IKZF3: variants seen among roughly 807,000 people sequenced by gnomAD.
IKZF3 encodes IKAROS family zinc finger 3.
Under a neutral mutation model 49.0 loss-of-function variants are expected in IKZF3, and 10 were observed. The ratio of observed to expected loss-of-function variants is 0.20; its 90% CI spans 0.13 to 0.35. The LOEUF is 0.35. IKZF3 is among the 10% of genes least tolerant of loss of function. The probability of loss-of-function intolerance (pLI) is 1.00; values close to 1 mark genes in which losing one functional copy is unlikely to be tolerated. For synonymous variants in IKZF3, 209 were observed against 228.2 expected (o/e 0.92, Z 0.76); for missense variants, 498 against 664.8 (o/e 0.75, Z 2.76).
At chr17:39,772,564 A>G (rs902664335) in intron 7 of IKZF3, among the ~76,000 whole-genome samples, 4 of 152,158 alleles carry the variant, frequency 2.6e-5, no homozygotes, top group East Asian at 1.9e-4. Flanking sequence ...CAGGAGGTGG[A>G]AAACAGAGGG....
At chr17:39,839,672 T>G (rs1310144160) in intron 1 of IKZF3, 1 of 321,852 alleles carries the variant, frequency 3.1e-6, no homozygotes, top group Non-Finnish European at 5.9e-6. Context: ...CATCCCAGGC[T>G]CAAGCAATCC....
At chr17:39,810,568 T>C (rs1246453143) in intron 3 of IKZF3, among the ~76,000 whole-genome samples, 1 of 151,794 alleles carries the variant, frequency 6.6e-6, no homozygotes, top group Non-Finnish European at 1.5e-5. Flanking sequence ...TGTAGTACTC[T>C]TGTATGCTTG....
chr17:39,786,257 AAAAC>A (rs2060872562), intron 6 of IKZF3, among the ~76,000 whole-genome samples: 1 of 152,266 alleles, frequency 6.6e-6, no homozygotes, highest in South Asian at 2.1e-4. Context: ...ACTAATCACA[AAAAC>A]AACTAAAGTT....
chr17:39,778,052 T>C lies in IKZF3; in HGVS notation c.710-285A>G, dbSNP rs1403281426. 3.8e-6 allele frequency: 4 copies of C among 1,061,750 alleles called. No homozygotes were observed. In the African/African-American group the frequency reaches 5.0e-5, roughly 13 times the overall value. The allele number at this position is 1,061,750 out of a possible 1,614,324, so 65.8% of individuals were successfully genotyped here. ...AAGTATTAAATAAACAGCCTGGACG[T>C]GGTTGGTTGCAAAAAGATAGATAGA... is the stretch of plus-strand genomic sequence containing the variant. On this transcript the variant is annotated intron_variant, in intron 6 of 7. Transcript: ENST00000346872.
chr17:39,835,108 T>A, intron 1 of IKZF3: 1 of 449,538 alleles, frequency 2.2e-6, no homozygotes, highest in South Asian at 1.6e-5. Context: ...AAGCCATAGC[T>A]GAGGCCAGGG....
chr17:39,796,215 G>A (rs1241982466), intron 3 of IKZF3, among the ~76,000 whole-genome samples: 2 of 152,126 alleles, frequency 1.3e-5, no homozygotes, highest in Non-Finnish European at 2.9e-5. Context: ...TTGAAGCAGA[G>A]AAAAGGGGTG....
rs552673903 is a variant in IKZF3 at position 39,764,862 on chromosome 17, T to A, written c.*928A>T. The A allele has an allele frequency of 3.4e-4, 52 of 152,426 alleles. No homozygotes were observed. The highest frequency in any genetic ancestry group is 5.0e-4 in the Non-Finnish European group (34 of 68,036). The allele number at this position is 152,426 out of a possible 1,614,324, so 9.4% of individuals were successfully genotyped here. A position where few individuals can be genotyped will look rare whatever the true frequency, so the allele number is the denominator to read the frequency against. On this transcript the variant is annotated 3_prime_UTR_variant, in exon 8 of 8. Coordinates refer to ENST00000346872, the MANE Select transcript of IKZF3 (RefSeq NM_012481.5). ...TTTTGGACTTTTTTTGTGGAAAATATCATTGGCAAATTTGCTTTGGGTCTG... is the reference window on the plus strand; with the variant it reads ...TTTTGGACTTTTTTTGTGGAAAATAACATTGGCAAATTTGCTTTGGGTCTG...
At chr17:39,776,700 T>C (rs1204838702) in intron 7 of IKZF3, among the ~76,000 whole-genome samples, 1 of 152,196 alleles carries the variant, frequency 6.6e-6, no homozygotes, top group Non-Finnish European at 1.5e-5. Flanking sequence ...TATACCAGAA[T>C]CAAATTTAGT....
chr17:39,797,210 A>G (rs368464743), intron 3 of IKZF3, among the ~76,000 whole-genome samples: 14 of 151,432 alleles, frequency 9.2e-5, no homozygotes, highest in South Asian at 4.2e-4. Flanking sequence ...TACTGCCTCT[A>G]CAGCCTCAAA....
chr17:39,857,240 T>C (rs1598232324), intron 1 of IKZF3, among the ~76,000 whole-genome samples: 1 of 152,232 alleles, frequency 6.6e-6, no homozygotes. Flanking sequence ...TGTAATTCCA[T>C]ATCCATAAAA....
intron 1 of IKZF3, among the ~76,000 whole-genome samples, chr17:39,834,661 T>A (rs908825946): frequency 4.6e-5 from 7 of 152,220 alleles, no homozygotes; most frequent in African/African-American, 1.7e-4. Context: ...GAATGTGCCA[T>A]GTGTAGTTGA....
At chr17:39,842,486 G>T (rs2062506815) in intron 1 of IKZF3, among the ~76,000 whole-genome samples, 1 of 152,224 alleles carries the variant, frequency 6.6e-6, no homozygotes, top group African/African-American at 2.4e-5. Context: ...AGAAAGCAAG[G>T]AAGTGCTCAC....
rs2062285276 is a variant in IKZF3, at chr17:39,836,453, AG to A, written c.8-4303del. On this transcript the variant is annotated intron_variant, in intron 1 of 7. Coordinates refer to ENST00000346872, the MANE Select transcript of IKZF3 (RefSeq NM_012481.5). ...GGAGTGGAGGCAGGTGGGCAGAAACAGGGGGAGATTCAATAAGTAGTGGAGA... is the reference window on the plus strand; with the variant it reads ...GGAGTGGAGGCAGGTGGGCAGAAACAGGGGAGATTCAATAAGTAGTGGAGA... Among the ~76,000 whole-genome samples, 10 of 152,272 alleles carry A rather than the reference AG, an allele frequency of 6.6e-5. No individual in the cohort carries two copies. In the South Asian group the frequency reaches 2.1e-3, roughly 32 times the overall value.
At chr17:39,855,999 T>C (rs1381140169) in intron 1 of IKZF3, among the ~76,000 whole-genome samples, 1 of 150,256 alleles carries the variant, frequency 6.7e-6, no homozygotes, top group African/African-American at 2.5e-5. Context: ...ATATTGTATA[T>C]GTACAATATA....
Position 39,766,291 on chromosome 17 carries a change from G to A in IKZF3, c.1029C>T (p.Pro343=), listed in dbSNP as rs774379003. 7.4e-6 allele frequency: 12 copies of A among 1,614,168 alleles called. No individual in the cohort carries two copies. Among genetic ancestry groups the A allele is most frequent in the Non-Finnish European group, 1.0e-5 (12 of 1,180,022 alleles). Residue 343 remains proline, a synonymous_variant, in exon 8 of 8, where the codon CCC becomes CCT. Transcript: ENST00000346872. ...ACATCTCAGCCCGGGTGAGGGCTATGGGATACATGCTGCTGATAACTGGAA... is the reference window on the plus strand; with the variant it reads ...ACATCTCAGCCCGGGTGAGGGCTATAGGATACATGCTGCTGATAACTGGAA... ...EMVPVISSMY[P]IALTRAEMSN...
At chr17:39,802,555 T>C (rs1227204396) in intron 3 of IKZF3, among the ~76,000 whole-genome samples, 1 of 149,922 alleles carries the variant, frequency 6.7e-6, no homozygotes, top group East Asian at 2.0e-4. Flanking sequence ...TGCAGTGAGC[T>C]GTGTTCATGC....
At chr17:39,844,348 C>A (rs112974797) in intron 1 of IKZF3, among the ~76,000 whole-genome samples, 4 of 152,310 alleles carry the variant, frequency 2.6e-5, no homozygotes, top group African/African-American at 9.6e-5. Flanking sequence ...GTCTACATTT[C>A]TCCTGTTATT....
chr17:39,762,191 A>C lies in IKZF3; in HGVS notation c.*3599T>G, dbSNP rs1313531269. 1 of 152,316 alleles carries C rather than the reference A, an allele frequency of 6.6e-6. No homozygotes were observed. Among genetic ancestry groups the C allele is most frequent in the Non-Finnish European group, 1.5e-5 (1 of 68,112 alleles). 9.4% of individuals were successfully genotyped at this position (152,316 alleles called of 1,614,324 possible). A position where few individuals can be genotyped will look rare whatever the true frequency, so the allele number is the denominator to read the frequency against. ...CAGGGCTTCAGTGCCCAGCAGTGGC[A>C]GATGCAAGTCCTGACTCTGCCCTTC... On this transcript the variant is annotated 3_prime_UTR_variant, in exon 8 of 8. Coordinates refer to ENST00000346872, the MANE Select transcript of IKZF3 (RefSeq NM_012481.5).
chr17:39,800,417 G>C (rs192709808), intron 3 of IKZF3, among the ~76,000 whole-genome samples: 1 of 152,052 alleles, frequency 6.6e-6, no homozygotes, highest in Non-Finnish European at 1.5e-5. Flanking sequence ...AAAGTTAAAG[G>C]CTTCCTGAAT....
Sources: gnomAD v4.1 joint callset for allele counts (sites outside exome capture counted in the v4.1 genomes callset) on GRCh38, gnomAD v4.1.1 for gene constraint, MANE v1.5 for transcripts, NCBI Gene and HGNC (gene_info 2026-07-23, HGNC 2026-07-21) for gene names.